PCSK5: variants seen among roughly 807,000 people sequenced by gnomAD.
PCSK5 encodes the protein proprotein convertase subtilisin/kexin type 5.
Under a neutral mutation model 233.2 loss-of-function variants are expected in PCSK5, and 129 were observed. The ratio of observed to expected loss-of-function variants is 0.55; its 90% CI spans 0.48 to 0.64. PCSK5 has a LOEUF of 0.64. Ranked by LOEUF, PCSK5 falls within the 30% of genes least tolerant of loss-of-function variation. The pLI is 0.00. For synonymous variants in PCSK5, 825 were observed against 879.2 expected (o/e 0.94, Z 1.09); for missense variants, 2,076 against 2,430.1 (o/e 0.85, Z 3.06).
At chr9:76,133,381 A>G (rs1330028996) in intron 9 of PCSK5, among the ~76,000 whole-genome samples, 5 of 152,056 alleles carry the variant, frequency 3.3e-5, no homozygotes, top group Non-Finnish European at 7.4e-5. Context: ...TGTGATTATG[A>G]TTAGCATTGC....
intron 5 of PCSK5, among the ~76,000 whole-genome samples, chr9:76,042,759 C>G (rs1268106584): frequency 6.6e-6 from 1 of 152,226 alleles, no homozygotes; most frequent in Non-Finnish European, 1.5e-5. Flanking sequence ...AAGCACTCCA[C>G]TCCCACCAAA....
intron 1 of PCSK5, among the ~76,000 whole-genome samples, chr9:75,915,943 A>G (rs1190377629): frequency 1.3e-5 from 2 of 152,212 alleles, no homozygotes; most frequent in Non-Finnish European, 2.9e-5. Context: ...CTAACTTTCT[A>G]TTTTGTGGAT....
At chr9:76,189,786 A>G (rs1428084714) in intron 20 of PCSK5, 40 bp downstream of exon 20, 3 of 1,044,066 alleles carry the variant, frequency 2.9e-6, no homozygotes, top group Non-Finnish European at 4.5e-6. Context: ...GAAGCAAAGT[A>G]TGATCTTTCT....
At chr9:76,242,819 T>C (rs549128602) in intron 24 of PCSK5, among the ~76,000 whole-genome samples, 1 of 152,354 alleles carries the variant, frequency 6.6e-6, no homozygotes, top group South Asian at 2.1e-4. Context: ...GTGTGTAATC[T>C]AAAATCTGAG....
intron 12 of PCSK5, among the ~76,000 whole-genome samples, chr9:76,162,377 G>A (rs1822900057): frequency 6.6e-6 from 1 of 152,198 alleles, no homozygotes; most frequent in Non-Finnish European, 1.5e-5. Flanking sequence ...CTAGTGGCAA[G>A]GAGGCCTCAT....
At chr9:76,282,360 T>C (rs940239805) in intron 24 of PCSK5, among the ~76,000 whole-genome samples, 2 of 149,994 alleles carry the variant, frequency 1.3e-5, no homozygotes, top group Non-Finnish European at 3.0e-5. Context: ...GTCTTTTTTT[T>C]TTTTTCGAGA....
intron 5 of PCSK5, among the ~76,000 whole-genome samples, chr9:76,045,388 T>C (rs1442320401): frequency 6.6e-6 from 1 of 152,212 alleles, no homozygotes. Flanking sequence ...CAGTTGGTGA[T>C]TGGTTTCCAT....
chr9:76,242,358 C>G (rs1263131589), intron 24 of PCSK5, among the ~76,000 whole-genome samples: 2 of 152,110 alleles, frequency 1.3e-5, no homozygotes, highest in African/African-American at 2.4e-5. Flanking sequence ...TCTATAATAT[C>G]TGTAACTAGA....
At chr9:76,270,179 G>A (rs1050557363) in intron 24 of PCSK5, among the ~76,000 whole-genome samples, 3 of 152,048 alleles carry the variant, frequency 2.0e-5, no homozygotes, top group African/African-American at 7.2e-5. Flanking sequence ...CAGAAAATAC[G>A]TCTGTTGGAG....
chr9:76,193,409 A>AAACG, intron 20 of PCSK5: 1 of 894,522 alleles, frequency 1.1e-6, no homozygotes. Flanking sequence ...CATATTATTA[A>AAACG]AAAGAAAAAA....
intron 10 of PCSK5, among the ~76,000 whole-genome samples, chr9:76,150,612 A>G (rs1587689792): frequency 6.6e-6 from 1 of 152,176 alleles, no homozygotes; most frequent in African/African-American, 2.4e-5. Flanking sequence ...CAGCCTGGGC[A>G]ACAAGAGTGA....
chr9:76,251,080 C>T (rs1826784300), intron 24 of PCSK5, among the ~76,000 whole-genome samples: 1 of 152,006 alleles, frequency 6.6e-6, no homozygotes, highest in African/African-American at 2.4e-5. Context: ...CCAGCCTGGG[C>T]AACATAGCCA....
chr9:75,944,959 A>G (rs1824494272), intron 2 of PCSK5, among the ~76,000 whole-genome samples: 1 of 151,894 alleles, frequency 6.6e-6, no homozygotes, highest in Non-Finnish European at 1.5e-5. Context: ...AAAATACAAA[A>G]TTAGCCGGGT....
intron 2 of PCSK5, among the ~76,000 whole-genome samples, chr9:75,951,770 A>G (rs1824868958): frequency 6.6e-6 from 1 of 152,004 alleles, no homozygotes; most frequent in South Asian, 2.1e-4. Context: ...AATAAAATTA[A>G]AAACAAAAAT....
intron 5 of PCSK5, among the ~76,000 whole-genome samples, chr9:76,046,323 G>A (rs185196489): frequency 0.016 from 2,400 of 149,764 alleles, 62 homozygotes; most frequent in South Asian, 0.095. Context: ...GATTACAGGC[G>A]CGCGCCGCTA....
intron 27 of PCSK5, among the ~76,000 whole-genome samples, chr9:76,297,555 G>A (rs900034239): frequency 1.3e-5 from 2 of 152,236 alleles, no homozygotes; most frequent in Admixed American, 1.3e-4. Flanking sequence ...ACACTTGAGC[G>A]TCAGTTATAG....
At chr9:76,085,946 C>T (rs1831046347) in intron 7 of PCSK5, among the ~76,000 whole-genome samples, 2 of 152,164 alleles carry the variant, frequency 1.3e-5, no homozygotes, top group Admixed American at 1.3e-4. Context: ...ACAGTAAGTT[C>T]CTTTCATACC....
chr9:76,141,932 A>G (rs1360261628), intron 10 of PCSK5, among the ~76,000 whole-genome samples: 1 of 152,076 alleles, frequency 6.6e-6, no homozygotes, highest in African/African-American at 2.4e-5. Context: ...AAATGATGAG[A>G]ACTCGTGAAC....
chr9:76,130,780 T>C (rs887453172), intron 9 of PCSK5, among the ~76,000 whole-genome samples: 1 of 152,178 alleles, frequency 6.6e-6, no homozygotes, highest in African/African-American at 2.4e-5. Flanking sequence ...ATATATATTT[T>C]TGTTTAAGGG....
Sources: allele counts gnomAD v4.1 joint callset (sites outside exome capture counted in the v4.1 genomes callset), GRCh38; gene constraint gnomAD v4.1.1; transcripts MANE v1.5; gene names NCBI Gene and HGNC (gene_info 2026-07-23, HGNC 2026-07-21).